DCTN5: variants seen among roughly 807,000 people sequenced by gnomAD.
DCTN5 encodes the protein dynactin 4.
DCTN5 carries 14 observed loss-of-function variants against 23.5 expected under a neutral mutation model. The ratio of observed to expected loss-of-function variants is 0.60; its 90% CI spans 0.39 to 0.93. The LOEUF (loss-of-function observed/expected upper bound fraction) is 0.93, where lower values mean the gene tolerates loss of function less well. Among genes scored for constraint, DCTN5 ranks in the 40% least tolerant of loss-of-function variants. The pLI is 0.00. For missense variants in DCTN5, 156 were observed against 225.9 expected, an observed-to-expected ratio of 0.69 and a Z score of 1.98; for synonymous variants, 67 against 79.6, an observed-to-expected ratio of 0.84 and a Z score of 0.84.
chr16:23,660,128 C>G (rs1967783972), intron 3 of DCTN5, among the ~76,000 whole-genome samples: 1 of 152,182 alleles, frequency 6.6e-6, no homozygotes, highest in Non-Finnish European at 1.5e-5. Context: ...ACTGTCAGTA[C>G]TGCTACAGAC....
Position 23,645,130 on chromosome 16 carries a change from TATA to T in DCTN5, c.117+2108_117+2110del, listed in dbSNP as rs1269400971. On this transcript the variant is annotated intron_variant, in intron 2 of 5. Transcript: ENST00000300087. ...ATATATATATATATATATATATATA[TATA>T]TATATTTTTTTTTTTTTTAATACGC... Among the ~76,000 whole-genome samples the T allele has an allele frequency of 4.4e-3, 161 of 36,900 alleles. 1 individual carries two copies. Among genetic ancestry groups the T allele is most frequent in the Non-Finnish European group, 5.9e-3 (118 of 19,868 alleles). The allele number at this position is 36,900 out of a possible 152,430, so 24.2% of individuals were successfully genotyped here. A position where few individuals can be genotyped will look rare whatever the true frequency, so the allele number is the denominator to read the frequency against.
At chr16:23,645,068 C>T (rs1415601537) in intron 2 of DCTN5, among the ~76,000 whole-genome samples, 1 of 118,480 alleles carries the variant, frequency 8.4e-6, no homozygotes, top group East Asian at 3.0e-4. Flanking sequence ...GTGTGAGCCA[C>T]TGCACCCAGC....
At chr16:23,643,936 ACT>A (rs1967365320) in intron 2 of DCTN5, among the ~76,000 whole-genome samples, 1 of 152,032 alleles carries the variant, frequency 6.6e-6, no homozygotes. Flanking sequence ...CATCTGGAAC[ACT>A]CAATTTTGAA....
At position 23,641,725 on chromosome 16, in the gene DCTN5, C is replaced by G. The variant is rs769422551; in HGVS notation, c.48+135C>G. On this transcript the variant is annotated intron_variant, in intron 1 of 5. Transcript: ENST00000300087. Reference sequence around the variant, plus strand: ...TTAGTCCCGGATTATCTAGCGATGCCCCGTGTACCGTCTGGCTTTGCTGTT... The same window carrying G: ...TTAGTCCCGGATTATCTAGCGATGCGCCGTGTACCGTCTGGCTTTGCTGTT... The G allele has an allele frequency of 1.0e-5, 9 of 889,554 alleles. No individual in the cohort carries two copies. In the Admixed American group the frequency reaches 1.1e-4, roughly 11 times the overall value. 55.1% of individuals were successfully genotyped at this position (889,554 alleles called of 1,614,324 possible). A position where few individuals can be genotyped will look rare whatever the true frequency, so the allele number is the denominator to read the frequency against.
intron 3 of DCTN5, among the ~76,000 whole-genome samples, chr16:23,659,303 G>T (rs1282846652): frequency 6.6e-6 from 1 of 152,102 alleles, no homozygotes; most frequent in Non-Finnish European, 1.5e-5. Context: ...GAAAGGCCAG[G>T]GACAGAGCAG....
At chr16:23,647,933 ATT>A (rs2140974297) in intron 2 of DCTN5, among the ~76,000 whole-genome samples, 1 of 152,322 alleles carries the variant, frequency 6.6e-6, no homozygotes, top group South Asian at 2.1e-4. Flanking sequence ...CAACTGAAGA[ATT>A]GGAACATAAT....
intron 2 of DCTN5, among the ~76,000 whole-genome samples, chr16:23,650,565 A>G (rs987317131): frequency 4.7e-5 from 7 of 147,774 alleles, no homozygotes; most frequent in Non-Finnish European, 8.9e-5. Context: ...ACCTCAGGTG[A>G]TTGCCCACTT....
At chr16:23,650,802 G>T in intron 2 of DCTN5, 1 of 1,529,180 alleles carries the variant, frequency 6.5e-7, no homozygotes. Context: ...AGATGTCACA[G>T]TGCCTGCAGG....
rs956552162 is a variant in DCTN5, at chr16:23,641,535, C to G, written c.-8C>G. 25 of 1,613,884 alleles carry G rather than the reference C, an allele frequency of 1.5e-5. No individual in the cohort carries two copies. The highest frequency in any genetic ancestry group is 1.9e-5 in the Non-Finnish European group (23 of 1,179,914). On this transcript the variant is annotated 5_prime_UTR_variant, in exon 1 of 6. Transcript: ENST00000300087. ...AGGATCCGGGGCTGAGGGAAGGAGG[C>G]GGCGGCCATGGAGTTGGGCGAGCTG...
At chr16:23,650,896 A>G (rs1030216873) in intron 2 of DCTN5, 46 of 1,397,088 alleles carry the variant, frequency 3.3e-5, no homozygotes, top group Non-Finnish European at 4.2e-5. Context: ...GAATGTGACC[A>G]ATCTAAGCCC....
rs1463124506 is a variant in DCTN5 at position 23,669,668 on chromosome 16, C to T, written c.*2524C>T. ...CAGCTGTCCAGTTCAGGCCTCTCCT[C>T]TTTCCCTGGTGTCTTCATTTTCCTC... On this transcript the variant is annotated 3_prime_UTR_variant, in exon 6 of 6. Transcript: ENST00000300087. The T allele has an allele frequency of 6.6e-6, 1 of 152,640 alleles. No homozygotes were observed. The highest frequency in any genetic ancestry group is 1.5e-5 in the Non-Finnish European group (1 of 68,408). 9.5% of individuals were successfully genotyped at this position (152,640 alleles called of 1,614,324 possible). A position where few individuals can be genotyped will look rare whatever the true frequency, so the allele number is the denominator to read the frequency against.
intron 4 of DCTN5, among the ~76,000 whole-genome samples, chr16:23,665,389 T>A (rs569771272): frequency 1.8e-4 from 28 of 152,244 alleles, no homozygotes; most frequent in Non-Finnish European, 3.8e-4. Flanking sequence ...GTCTGTAATG[T>A]CTGAGACAGT....
intron 1 of DCTN5, 83 bp from the exon 2 acceptor site, chr16:23,642,872 A>C (rs1307265413): frequency 3.2e-6 from 4 of 1,257,470 alleles, no homozygotes; most frequent in Non-Finnish European, 3.5e-6. Flanking sequence ...TTTTTCTCTC[A>C]AATGGGAGCT....
At chr16:23,643,783 T>C (rs777713292) in intron 2 of DCTN5, among the ~76,000 whole-genome samples, 1 of 152,042 alleles carries the variant, frequency 6.6e-6, no homozygotes, top group Non-Finnish European at 1.5e-5. Context: ...GAGACAAATA[T>C]GCAAAGTGGA....
chr16:23,645,112 TA>T (rs1567228369), intron 2 of DCTN5, among the ~76,000 whole-genome samples: 430 of 39,830 alleles, frequency 0.011, 46 homozygotes, highest in South Asian at 0.032. Context: ...TATATATATA[TA>T]TATATATATA....
In DCTN5 at chr16:23,672,104, A is replaced by G. The variant is rs1434546980; in HGVS notation, c.*4960A>G. The G allele has an allele frequency of 6.6e-6, 1 of 152,194 alleles. No individual in the cohort carries two copies. Among genetic ancestry groups the G allele is most frequent in the Non-Finnish European group, 1.5e-5 (1 of 68,044 alleles). The allele number at this position is 152,194 out of a possible 1,614,324, so 9.4% of individuals were successfully genotyped here. Reference sequence around the variant, plus strand: ...CACAGGAGCAGTAAGAACCTGAGGAAGAGTAGGGTCAGAGGAGTCTGGGAG... The same window carrying G: ...CACAGGAGCAGTAAGAACCTGAGGAGGAGTAGGGTCAGAGGAGTCTGGGAG... On this transcript the variant is annotated 3_prime_UTR_variant, in exon 6 of 6. Coordinates refer to ENST00000300087, the MANE Select transcript of DCTN5 (RefSeq NM_032486.4).
At chr16:23,645,643 A>G (rs968538101) in intron 2 of DCTN5, among the ~76,000 whole-genome samples, 1 of 152,210 alleles carries the variant, frequency 6.6e-6, no homozygotes, top group Non-Finnish European at 1.5e-5. Context: ...ATATAAGTGG[A>G]ATCATACAAT....
chr16:23,667,366 C>T lies in DCTN5; in HGVS notation c.*222C>T, dbSNP rs2140989204. 2 of 574,706 alleles carry T rather than the reference C, an allele frequency of 3.5e-6. No homozygotes were observed. Among genetic ancestry groups the T allele is most frequent in the Non-Finnish European group, 6.2e-6 (2 of 323,726 alleles). The allele number at this position is 574,706 out of a possible 1,614,324, so 35.6% of individuals were successfully genotyped here. A position where few individuals can be genotyped will look rare whatever the true frequency, so the allele number is the denominator to read the frequency against. ...GAGCTGTCTTCAAATGCTGTGCTTA[C>T]ACCTTATCTATGAACAGTCACTTTG... On this transcript the variant is annotated 3_prime_UTR_variant, in exon 6 of 6. Transcript: ENST00000300087.
chr16:23,653,398 C>T (rs1227628481), intron 2 of DCTN5, among the ~76,000 whole-genome samples: 1 of 152,184 alleles, frequency 6.6e-6, no homozygotes, highest in Non-Finnish European at 1.5e-5. Flanking sequence ...AATAAGACCA[C>T]ACACCTACAA....
Sources: allele counts gnomAD v4.1 joint callset (sites outside exome capture counted in the v4.1 genomes callset), GRCh38; gene constraint gnomAD v4.1.1; transcripts MANE v1.5; gene names NCBI Gene and HGNC (gene_info 2026-07-23, HGNC 2026-07-21).